The following ARHGAP28 variants were observed in gnomAD, a reference collection of about 807,000 sequenced individuals.
ARHGAP28 encodes the protein Rho GTPase activating protein 28.
Under a neutral mutation model 90.7 loss-of-function variants are expected in ARHGAP28, and 56 were observed. The observed-to-expected ratio is 0.62, with a 90% CI of 0.50 to 0.77. ARHGAP28 has a LOEUF of 0.77. Ranked by LOEUF, ARHGAP28 falls within the 30% of genes least tolerant of loss-of-function variation. The probability of loss-of-function intolerance (pLI) is 0.00; values close to 1 mark genes in which losing one functional copy is unlikely to be tolerated. For synonymous variants in ARHGAP28, 308 were observed against 323.3 expected (o/e 0.95, Z 0.51); for missense variants, 869 against 900.9 (o/e 0.96, Z 0.45).
intron 3 of ARHGAP28, among the ~76,000 whole-genome samples, chr18:6,847,415 C>A (rs1356700771): frequency 6.6e-6 from 1 of 152,134 alleles, no homozygotes; most frequent in Admixed American, 6.5e-5. Context: ...AGAACTTCTT[C>A]TCTCTCAGTA....
rs1038792741 is a variant in ARHGAP28 at position 6,824,669 on chromosome 18, CTTAA to C, written c.123-84_123-81del. 4.3e-5 allele frequency: 48 copies of C among 1,119,858 alleles called. No homozygotes were observed. The East Asian group carries it at 7.3e-4, about 17-fold the overall frequency. The allele number at this position is 1,119,858 out of a possible 1,614,324, so 69.4% of individuals were successfully genotyped here. ...ACTCCACTTCTCCATTTGATTTAAA[CTTAA>C]TTAATTAAACTTAATTAAATTTAAT... On this transcript the variant is annotated intron_variant, in intron 1 of 17. Transcript: ENST00000383472.
intron 5 of ARHGAP28, among the ~76,000 whole-genome samples, chr18:6,861,254 G>A (rs192322660): frequency 5.3e-5 from 8 of 152,196 alleles, no homozygotes; most frequent in Admixed American, 4.6e-4. Flanking sequence ...CTCTTCATGC[G>A]CATCTCTGAG....
At chr18:6,858,636 C>T (rs2056973190) in intron 4 of ARHGAP28, among the ~76,000 whole-genome samples, 1 of 151,872 alleles carries the variant, frequency 6.6e-6, no homozygotes, top group Non-Finnish European at 1.5e-5. Context: ...CTCTGCCTCC[C>T]AGGTTCAAGC....
At chr18:6,802,740 C>A (rs1256486978) in intron 1 of ARHGAP28, among the ~76,000 whole-genome samples, 3 of 152,082 alleles carry the variant, frequency 2.0e-5, no homozygotes, top group Non-Finnish European at 4.4e-5. Context: ...CTAAATCTTC[C>A]AATCTTTGAA....
At chr18:6,855,966 A>G (rs1195456982) in intron 4 of ARHGAP28, among the ~76,000 whole-genome samples, 1 of 152,180 alleles carries the variant, frequency 6.6e-6, no homozygotes, top group East Asian at 1.9e-4. Flanking sequence ...CTCCGCACCT[A>G]GCTTGCCCTT....
intron 11 of ARHGAP28, 60 bp from the exon 12 acceptor site, chr18:6,887,097 A>G: frequency 1.4e-6 from 2 of 1,468,006 alleles, no homozygotes; most frequent in East Asian, 2.3e-5. Context: ...CTAGCAAGAA[A>G]TGCTGTCAGG....
At chr18:6,891,254 G>A (rs992063398) in intron 14 of ARHGAP28, among the ~76,000 whole-genome samples, 95 of 152,282 alleles carry the variant, frequency 6.2e-4, no homozygotes, top group African/African-American at 2.2e-3. Flanking sequence ...CAGAGGACAA[G>A]GAATGTGCTC....
intron 11 of ARHGAP28, 117 bp downstream of exon 11, chr18:6,882,416 C>A: frequency 1.0e-6 from 1 of 977,002 alleles, no homozygotes; most frequent in Non-Finnish European, 1.4e-6. Context: ...CCTGACAGTG[C>A]TTGGTGGAAT....
At chr18:6,779,743 G>T (rs1333761882) in intron 1 of ARHGAP28, among the ~76,000 whole-genome samples, 2 of 152,204 alleles carry the variant, frequency 1.3e-5, no homozygotes, top group African/African-American at 4.8e-5. Context: ...AGCTGTGTTA[G>T]GTAATGGTAC....
At chr18:6,784,826 G>A (rs1008963359) in intron 1 of ARHGAP28, among the ~76,000 whole-genome samples, 7 of 152,308 alleles carry the variant, frequency 4.6e-5, no homozygotes, top group African/African-American at 1.7e-4. Context: ...TGAAAATATT[G>A]AGTAAAGATA....
intron 1 of ARHGAP28, among the ~76,000 whole-genome samples, chr18:6,763,383 A>C (rs568562952): frequency 5.3e-5 from 8 of 152,264 alleles, no homozygotes; most frequent in African/African-American, 1.4e-4. Context: ...ACTCCTGGCC[A>C]CAAGAGATGA....
intron 1 of ARHGAP28, among the ~76,000 whole-genome samples, chr18:6,739,511 T>TATATATTAAGAATATATATATAAAC (rs1431599991): frequency 3.1e-4 from 47 of 150,890 alleles, no homozygotes; most frequent in Non-Finnish European, 5.9e-4. Context: ...ATATTTCATA[T>TATATATTAAGAATATATATATAAAC]ATATATTAAG....
chr18:6,825,409 T>C (rs185143398), intron 2 of ARHGAP28, among the ~76,000 whole-genome samples: 2 of 152,130 alleles, frequency 1.3e-5, no homozygotes, highest in African/African-American at 4.8e-5. Context: ...AGAAGAAAAA[T>C]TTGACCTTAA....
intron 1 of ARHGAP28, among the ~76,000 whole-genome samples, chr18:6,756,369 C>T (rs991289117): frequency 3.3e-5 from 5 of 152,228 alleles, no homozygotes; most frequent in Non-Finnish European, 7.4e-5. Context: ...AAGTAACTCT[C>T]ACAGAAATAA....
At chr18:6,755,413 G>C (rs2056101627) in intron 1 of ARHGAP28, among the ~76,000 whole-genome samples, 1 of 152,130 alleles carries the variant, frequency 6.6e-6, no homozygotes, top group Non-Finnish European at 1.5e-5. Context: ...TTGGCAAAAG[G>C]ACTAGAGGGA....
At chr18:6,746,662 A>G (rs1282430159) in intron 1 of ARHGAP28, among the ~76,000 whole-genome samples, 1 of 152,252 alleles carries the variant, frequency 6.6e-6, no homozygotes, top group Non-Finnish European at 1.5e-5. Flanking sequence ...TAACTTTTCA[A>G]GGTCACAAGG....
At position 6,870,949 on chromosome 18, in the gene ARHGAP28, T is replaced by C. The variant is rs552208857; in HGVS notation, c.954+217T>C. On this transcript the variant is annotated intron_variant, in intron 7 of 17. Transcript: ENST00000383472. Reference sequence around the variant, plus strand: ...CCGAGTAGCTGGGACTACAGGCACCTGCCAACTTGCCCGGCTAATTTTTTG... The same window carrying C: ...CCGAGTAGCTGGGACTACAGGCACCCGCCAACTTGCCCGGCTAATTTTTTG... Among the ~76,000 whole-genome samples the C allele has an allele frequency of 6.1e-4, 93 of 152,222 alleles. No homozygotes were observed. In the East Asian group the frequency reaches 9.5e-3, roughly 16 times the overall value.
chr18:6,750,067 C>G (rs1298258066), intron 1 of ARHGAP28, among the ~76,000 whole-genome samples: 1 of 152,128 alleles, frequency 6.6e-6, no homozygotes, highest in Admixed American at 6.5e-5. Flanking sequence ...ACTCCCATGC[C>G]TTACTGGGTG....
chr18:6,893,310 G>A (rs2057280151), intron 14 of ARHGAP28, among the ~76,000 whole-genome samples: 3 of 152,148 alleles, frequency 2.0e-5, no homozygotes, highest in Non-Finnish European at 4.4e-5. Context: ...AGAAATGCAG[G>A]CTGTTATTTT....
Sources: gnomAD v4.1 joint callset for allele counts (sites outside exome capture counted in the v4.1 genomes callset) on GRCh38, gnomAD v4.1.1 for gene constraint, MANE v1.5 for transcripts, NCBI Gene and HGNC (gene_info 2026-07-23, HGNC 2026-07-21) for gene names.